Variants in PROSER1 observed in about 807,000 individuals in gnomAD.
PROSER1 encodes proline and serine-rich protein 1.
In PROSER1, 36 loss-of-function variants were observed where a neutral mutation model predicts 71.8. The ratio of observed to expected loss-of-function variants is 0.50; its 90% confidence interval spans 0.38 to 0.66. The LOEUF (loss-of-function observed/expected upper bound fraction) is 0.66, where lower values mean the gene tolerates loss of function less well. PROSER1 is among the 30% of genes least tolerant of loss of function. PROSER1 has a pLI of 0.00. For synonymous variants in PROSER1, 490 were observed against 452.4 expected (o/e 1.08, Z -1.06); for missense variants, 1,107 against 1,135.0 (o/e 0.98, Z 0.35).
At chr13:39,035,023 T>C (rs1310366144) in intron 1 of PROSER1, among the ~76,000 whole-genome samples, 9 of 152,186 alleles carry the variant, frequency 5.9e-5, no homozygotes, top group Non-Finnish European at 1.0e-4. Flanking sequence ...CTTAAGTCAG[T>C]AGCCACTAAT....
intron 10 of PROSER1, among the ~76,000 whole-genome samples, chr13:39,017,268 A>T (rs914149715): frequency 6.6e-6 from 1 of 152,234 alleles, no homozygotes; most frequent in African/African-American, 2.4e-5. Context: ...AAGTTTTGCA[A>T]ATTGTATAAA....
At chr13:39,019,917 A>G (rs1005365026) in intron 9 of PROSER1, among the ~76,000 whole-genome samples, 3 of 152,050 alleles carry the variant, frequency 2.0e-5, no homozygotes, top group African/African-American at 4.8e-5. Context: ...AGGGGAAAAA[A>G]GTTTAAAATA....
At chr13:39,025,091 G>A (rs1260443740) in intron 6 of PROSER1, among the ~76,000 whole-genome samples, 2 of 152,092 alleles carry the variant, frequency 1.3e-5, no homozygotes, top group African/African-American at 4.8e-5. Flanking sequence ...GGAGCAATCA[G>A]AAATGAACTT....
At chr13:39,027,329 T>A (rs752423380) in intron 5 of PROSER1, among the ~76,000 whole-genome samples, 2 of 152,078 alleles carry the variant, frequency 1.3e-5, no homozygotes, top group East Asian at 1.9e-4. Context: ...AAGTAGAAAT[T>A]TGGGGCCAAA....
chr13:39,015,906 T>C (rs1869987486), intron 10 of PROSER1, among the ~76,000 whole-genome samples: 1 of 152,222 alleles, frequency 6.6e-6, no homozygotes, highest in East Asian at 1.9e-4. Flanking sequence ...AAGGAATATA[T>C]ACCTAATCTT....
At chr13:39,034,573 T>C (rs184526738) in intron 1 of PROSER1, among the ~76,000 whole-genome samples, 70 of 152,330 alleles carry the variant, frequency 4.6e-4, no homozygotes, top group Admixed American at 4.2e-3. Context: ...ATTAAACATA[T>C]CAGATGTTAC....
chr13:39,027,885 A>G (rs1212746544), intron 5 of PROSER1, among the ~76,000 whole-genome samples: 1 of 152,216 alleles, frequency 6.6e-6, no homozygotes, highest in Non-Finnish European at 1.5e-5. Context: ...TAAACTGGAT[A>G]ACAAAGCAAA....
chr13:39,011,633 C>G, intron 12 of PROSER1, 146 bp from the exon 13 acceptor site: 1 of 750,872 alleles, frequency 1.3e-6, no homozygotes, highest in Non-Finnish European at 2.0e-6. Context: ...TGCTCAGTCA[C>G]TTAAAATTTT....
intron 4 of PROSER1, 176 bp downstream of exon 4, chr13:39,029,105 T>C: frequency 1.2e-5 from 5 of 424,572 alleles, no homozygotes; most frequent in Non-Finnish European, 2.1e-5. Context: ...TTATAAGTTA[T>C]AGTCATATAT....
At chr13:39,018,757 AG>A (rs913264994) in intron 9 of PROSER1, among the ~76,000 whole-genome samples, 45 of 152,244 alleles carry the variant, frequency 3.0e-4, no homozygotes, top group African/African-American at 1.1e-3. Flanking sequence ...TAGCAGGAGG[AG>A]GGGAAAAAAA....
intron 8 of PROSER1, 103 bp downstream of exon 8, chr13:39,022,949 T>C (rs1870362941): frequency 1.1e-6 from 1 of 892,958 alleles, no homozygotes; most frequent in East Asian, 2.6e-5. Flanking sequence ...TAGCATTTCA[T>C]AAGTGCTACA....
rs755231953 is a variant in PROSER1, at chr13:39,011,321, G to A, written c.*44C>T. 15 of 1,599,666 alleles carry A rather than the reference G, an allele frequency of 9.4e-6. No homozygotes were observed. Among genetic ancestry groups the A allele is most frequent in the East Asian group, 6.7e-5 (3 of 44,684 alleles). On this transcript the variant is annotated 3_prime_UTR_variant, in exon 13 of 13. Transcript: ENST00000352251. ...TCAGATTGTTCATTGCAGTTCTCAG[G>A]CAATTCTGATGTTGCTCTGAAGGAG...
Position 39,037,181 on chromosome 13 carries a change from G to A in PROSER1, c.45+17C>T. ...GAATTCATCTCATAAAATAATTCAT[G>A]GAATCGGTCTAATTACCTTTCTAAT... On this transcript the variant is annotated intron_variant, in intron 1 of 12. Transcript: ENST00000352251. 6.4e-7 allele frequency: 1 copy of A among 1,554,924 alleles called. No homozygotes were observed.
chr13:39,030,750 C>G (rs898962628), intron 3 of PROSER1, among the ~76,000 whole-genome samples: 1 of 152,056 alleles, frequency 6.6e-6, no homozygotes, highest in African/African-American at 2.4e-5. Flanking sequence ...TCTTACAGAG[C>G]CTCTCTCTTT....
intron 3 of PROSER1, 64 bp downstream of exon 3, chr13:39,031,499 A>G (rs1870840053): frequency 4.3e-6 from 5 of 1,164,126 alleles, no homozygotes; most frequent in Admixed American, 4.4e-5. Flanking sequence ...AATAAATTAC[A>G]CACAACTGGG....
intron 9 of PROSER1, chr13:39,017,891 G>A (rs1045521557): frequency 9.9e-6 from 2 of 201,866 alleles, no homozygotes; most frequent in South Asian, 8.8e-5. Context: ...ATGCTGGCCT[G>A]AGGGTGCCAT....
chr13:39,019,756 T>G (rs1437279096), intron 9 of PROSER1, among the ~76,000 whole-genome samples: 1 of 151,550 alleles, frequency 6.6e-6, no homozygotes, highest in Non-Finnish European at 1.5e-5. Context: ...AATAGAAGAA[T>G]AATGAAAATA....
At chr13:39,016,386 T>TA in intron 10 of PROSER1, among the ~76,000 whole-genome samples, 1 of 152,216 alleles carries the variant, frequency 6.6e-6, no homozygotes, top group East Asian at 1.9e-4. Flanking sequence ...ATCATGCAGC[T>TA]ACTACATGGT....
rs374767701 is a variant in PROSER1 at position 39,011,343 on chromosome 13, G to A, written c.*22C>T. On this transcript the variant is annotated 3_prime_UTR_variant, in exon 13 of 13. Transcript: ENST00000352251. ...CAGGCAATTCTGATGTTGCTCTGAAGGAGAATAAAAGTTAAAAGTATTCAC... is the reference window on the plus strand; with the variant it reads ...CAGGCAATTCTGATGTTGCTCTGAAAGAGAATAAAAGTTAAAAGTATTCAC... The A allele has an allele frequency of 3.1e-6, 5 of 1,611,962 alleles. No homozygotes were observed. Among genetic ancestry groups the A allele is most frequent in the Non-Finnish European group, 4.2e-6 (5 of 1,178,682 alleles).
Sources: gnomAD v4.1 joint callset for allele counts (sites outside exome capture counted in the v4.1 genomes callset) on GRCh38, gnomAD v4.1.1 for gene constraint, MANE v1.5 for transcripts, NCBI Gene and HGNC (gene_info 2026-07-23, HGNC 2026-07-21) for gene names.